Variants in RSRC1 observed in about 807,000 individuals in gnomAD.
The protein encoded by RSRC1 is arginine and serine rich coiled-coil 1.
Under a neutral mutation model 49.1 loss-of-function variants are expected in RSRC1, and 39 were observed. That is an observed-to-expected ratio of 0.79 (90% CI 0.61 to 1.04). The LOEUF is 1.04. Among genes scored for constraint, RSRC1 ranks in the 50% least tolerant of loss-of-function variants. The probability of loss-of-function intolerance (pLI) is 0.00; values close to 1 mark genes in which losing one functional copy is unlikely to be tolerated. For missense variants in RSRC1, 388 were observed against 402.4 expected (o/e 0.96, Z 0.31); for synonymous variants, 143 against 130.8 (o/e 1.09, Z -0.63).
chr3:158,420,489 C>T (rs577909929), intron 6 of RSRC1, among the ~76,000 whole-genome samples: 7 of 151,898 alleles, frequency 4.6e-5, no homozygotes, highest in African/African-American at 1.2e-4. Context: ...GTTCCTGGAC[C>T]GGTTCTGCCA....
chr3:158,200,876 A>T (rs990630594), intron 3 of RSRC1, among the ~76,000 whole-genome samples: 1 of 152,108 alleles, frequency 6.6e-6, no homozygotes, highest in Non-Finnish European at 1.5e-5. Context: ...TTGAGCACTT[A>T]TATGTGTTTT....
intron 3 of RSRC1, among the ~76,000 whole-genome samples, chr3:158,142,594 A>T (rs1365832815): frequency 6.6e-6 from 1 of 152,146 alleles, no homozygotes; most frequent in African/African-American, 2.4e-5. Context: ...AAACGTGGTG[A>T]AAGGTGAAGG....
At chr3:158,442,655 C>G (rs1270515383) in intron 6 of RSRC1, among the ~76,000 whole-genome samples, 1 of 152,094 alleles carries the variant, frequency 6.6e-6, no homozygotes. Flanking sequence ...TTTTGACCTC[C>G]TCCCAGGAAT....
chr3:158,130,795 A>T (rs913647534), intron 3 of RSRC1, among the ~76,000 whole-genome samples: 8 of 152,172 alleles, frequency 5.3e-5, no homozygotes, highest in Admixed American at 2.6e-4. Flanking sequence ...AATTTTGTAC[A>T]TGTTGTATAT....
At chr3:158,171,201 T>C (rs549259747) in intron 3 of RSRC1, among the ~76,000 whole-genome samples, 16 of 152,310 alleles carry the variant, frequency 1.1e-4, no homozygotes, top group Middle Eastern at 3.4e-3. Flanking sequence ...GAATGTGAGG[T>C]AGAACTTTTG....
At chr3:158,117,612 A>G (rs1305459772) in intron 1 of RSRC1, among the ~76,000 whole-genome samples, 1 of 141,742 alleles carries the variant, frequency 7.1e-6, no homozygotes, top group Non-Finnish European at 1.5e-5. Context: ...ATTTTTGGGT[A>G]ATTTTTTTTT....
intron 7 of RSRC1, 23 bp downstream of exon 7, chr3:158,461,026 C>G: frequency 1.3e-6 from 2 of 1,555,098 alleles, no homozygotes; most frequent in Non-Finnish European, 1.8e-6. Context: ...GTTCATTTTT[C>G]TCTGAGAAAT....
At chr3:158,517,608 T>C (rs2108484904) in intron 7 of RSRC1, among the ~76,000 whole-genome samples, 1 of 151,814 alleles carries the variant, frequency 6.6e-6, no homozygotes, top group South Asian at 2.1e-4. Context: ...TTTTTTTTTT[T>C]TAGAGACAGG....
chr3:158,282,955 C>T (rs1726266366), intron 4 of RSRC1, among the ~76,000 whole-genome samples: 1 of 152,090 alleles, frequency 6.6e-6, no homozygotes, highest in Non-Finnish European at 1.5e-5. Context: ...CTAACATAGA[C>T]AAAGTGGGGA....
intron 7 of RSRC1, among the ~76,000 whole-genome samples, chr3:158,513,966 C>T (rs1237363589): frequency 6.6e-6 from 1 of 152,002 alleles, no homozygotes; most frequent in Non-Finnish European, 1.5e-5. Context: ...GTGGTGATAT[C>T]CCCTTTATCA....
chr3:158,364,590 A>G (rs1165131207), intron 6 of RSRC1, among the ~76,000 whole-genome samples: 5 of 152,028 alleles, frequency 3.3e-5, no homozygotes, highest in Admixed American at 3.3e-4. Flanking sequence ...GGTTGTTGTT[A>G]TGGATTTCAA....
Position 158,203,145 on chromosome 3 carries a change from C to A in RSRC1, c.394C>A (p.Arg132=). 6.2e-7 allele frequency: 1 copy of A among 1,613,502 alleles called. No individual in the cohort carries two copies. The highest frequency in any genetic ancestry group is 1.1e-5 in the South Asian group (1 of 91,010). ...ERSSHRRTRS[R]SRDRERRKGR... is the part of the protein sequence containing the mutation. ...GTCCAGTCACAGAAGAACGCGTAGT[C>A]GGTCTCGGGATAGAGAACGACGTAA... The change falls in exon 4 of 10, where the codon CGG becomes AGG. Residue 132 remains arginine, a synonymous_variant. Coordinates refer to ENST00000611884, the MANE Select transcript of RSRC1 (RefSeq NM_001271838.2).
intron 6 of RSRC1, among the ~76,000 whole-genome samples, chr3:158,391,817 G>A (rs1251802283): frequency 2.0e-5 from 3 of 151,962 alleles, no homozygotes; most frequent in Non-Finnish European, 2.9e-5. Flanking sequence ...ATGAAGCTTC[G>A]ACATTTCAAA....
At chr3:158,299,663 T>G (rs1010069484) in intron 5 of RSRC1, among the ~76,000 whole-genome samples, 3 of 152,200 alleles carry the variant, frequency 2.0e-5, no homozygotes, top group African/African-American at 7.2e-5. Flanking sequence ...TTGTAAATTA[T>G]TATTTATTAA....
intron 4 of RSRC1, among the ~76,000 whole-genome samples, chr3:158,242,977 A>C (rs1469135185): frequency 2.6e-5 from 4 of 151,942 alleles, no homozygotes; most frequent in African/African-American, 9.7e-5. Flanking sequence ...AGATTGCAAA[A>C]ATTTTCTCCC....
chr3:158,509,071 C>T (rs1369986463), intron 7 of RSRC1, among the ~76,000 whole-genome samples: 1 of 152,130 alleles, frequency 6.6e-6, no homozygotes, highest in Non-Finnish European at 1.5e-5. Context: ...AGGGCTTTGC[C>T]TAACCTAAGA....
At chr3:158,270,359 C>A (rs995890077) in intron 4 of RSRC1, among the ~76,000 whole-genome samples, 1 of 152,104 alleles carries the variant, frequency 6.6e-6, no homozygotes, top group African/African-American at 2.4e-5. Context: ...GGATAGGGTA[C>A]CCCAATGATA....
chr3:158,530,998 T>C (rs909600961), intron 7 of RSRC1, among the ~76,000 whole-genome samples: 1 of 150,418 alleles, frequency 6.6e-6, no homozygotes, highest in African/African-American at 2.4e-5. Flanking sequence ...CTTTTTATAA[T>C]TTGACATTTT....
intron 3 of RSRC1, among the ~76,000 whole-genome samples, chr3:158,189,739 A>G (rs769649023): frequency 6.6e-6 from 1 of 151,910 alleles, no homozygotes; most frequent in African/African-American, 2.4e-5. Flanking sequence ...TTTATTAATT[A>G]CTGATATATT....
Sources: allele counts gnomAD v4.1 joint callset (sites outside exome capture counted in the v4.1 genomes callset), GRCh38; gene constraint gnomAD v4.1.1; transcripts MANE v1.5; gene names NCBI Gene and HGNC (gene_info 2026-07-23, HGNC 2026-07-21).